Variants in HECW1 observed in about 807,000 individuals in gnomAD.
HECW1 encodes HECT, C2 and WW domain containing E3 ubiquitin protein ligase 1, also known as E3 ubiquitin-protein ligase HECW1.
In HECW1, 61 loss-of-function variants were observed where a neutral mutation model predicts 182.3. That is an observed-to-expected ratio of 0.33 (90% confidence interval 0.27 to 0.41). The LOEUF (loss-of-function observed/expected upper bound fraction) is 0.41. Ranked by LOEUF, HECW1 falls within the 10% of genes least tolerant of loss-of-function variation. The pLI, the probability that HECW1 is intolerant of heterozygous loss-of-function variation, is 1.00. For missense variants in HECW1, 1,739 were observed against 2,108.9 expected (o/e 0.82, Z 3.44); for synonymous variants, 859 against 832.6 (o/e 1.03, Z -0.55).
At chr7:43,237,960 C>A (rs1267727155) in intron 2 of HECW1, among the ~76,000 whole-genome samples, 3 of 152,130 alleles carry the variant, frequency 2.0e-5, no homozygotes, top group Non-Finnish European at 4.4e-5. Flanking sequence ...TTGCTCAGGG[C>A]AGAGTGAAGC....
rs571803771 is a variant in HECW1 at position 43,176,835 on chromosome 7, C to T, written c.-32+62444C>T. Among the ~76,000 whole-genome samples the T allele has an allele frequency of 1.7e-3, 255 of 152,300 alleles. 2 individuals carry two copies. The highest frequency in any genetic ancestry group is 5.8e-3 in the African/African-American group (242 of 41,584). On this transcript the variant is annotated intron_variant, in intron 2 of 29. Coordinates refer to ENST00000395891, the MANE Select transcript of HECW1 (RefSeq NM_015052.5). The stretch of plus-strand genomic sequence containing the variant: ...TGATGTTCTAGAATAGGGGCTCTTT[C>T]TCTAGGGACTGGGGGCCCCTAGGTC...
intron 2 of HECW1, among the ~76,000 whole-genome samples, chr7:43,128,729 GA>G (rs1419483287): frequency 1.3e-5 from 2 of 152,140 alleles, no homozygotes; most frequent in African/African-American, 4.8e-5. Context: ...AGAGTCCATT[GA>G]AAACCTTCTG....
intron 7 of HECW1, among the ~76,000 whole-genome samples, chr7:43,405,683 C>T (rs1334435530): frequency 6.6e-6 from 1 of 152,170 alleles, no homozygotes; most frequent in Non-Finnish European, 1.5e-5. Context: ...CAGTGTTCAC[C>T]ATAAGCCACA....
intron 8 of HECW1, among the ~76,000 whole-genome samples, chr7:43,434,544 T>C (rs1042088039): frequency 6.6e-6 from 1 of 152,216 alleles, no homozygotes; most frequent in African/African-American, 2.4e-5. Flanking sequence ...GTGAAATCCA[T>C]GTACTGGCTT....
intron 5 of HECW1, among the ~76,000 whole-genome samples, chr7:43,326,998 A>G (rs1810875807): frequency 6.6e-6 from 1 of 152,180 alleles, no homozygotes; most frequent in Admixed American, 6.5e-5. Context: ...TTTTATTTCA[A>G]CTTGGGCATG....
intron 17 of HECW1, among the ~76,000 whole-genome samples, chr7:43,486,162 T>G (rs2078625736): frequency 1.3e-5 from 2 of 152,192 alleles, no homozygotes; most frequent in Admixed American, 1.3e-4. Flanking sequence ...TCCAGTTTCA[T>G]CCATTTCATC....
intron 3 of HECW1, among the ~76,000 whole-genome samples, chr7:43,302,965 A>G (rs1446807624): frequency 6.6e-6 from 1 of 151,986 alleles, no homozygotes; most frequent in East Asian, 1.9e-4. Context: ...GCACACACAC[A>G]CACAGGAATA....
chr7:43,483,815 C>T (rs1277205137), intron 17 of HECW1, among the ~76,000 whole-genome samples: 1 of 151,952 alleles, frequency 6.6e-6, no homozygotes, highest in Non-Finnish European at 1.5e-5. Flanking sequence ...TCCCAAAGTG[C>T]TGGGATTACA....
At chr7:43,318,672 G>A (rs779655457) in intron 4 of HECW1, among the ~76,000 whole-genome samples, 2 of 152,218 alleles carry the variant, frequency 1.3e-5, no homozygotes, top group Non-Finnish European at 2.9e-5. Flanking sequence ...GGGCCCTTTG[G>A]CTTCAAGCTC....
At chr7:43,213,532 A>G (rs919384717) in intron 2 of HECW1, among the ~76,000 whole-genome samples, 4 of 133,472 alleles carry the variant, frequency 3.0e-5, no homozygotes, top group African/African-American at 1.2e-4. Context: ...TGCAAGCTCC[A>G]CCTTCCGGGT....
intron 14 of HECW1, among the ~76,000 whole-genome samples, 155 bp downstream of exon 14, chr7:43,463,954 G>T (rs556450054): frequency 1.3e-5 from 2 of 152,264 alleles, no homozygotes; most frequent in South Asian, 2.1e-4. Context: ...CCTGGTGCCC[G>T]CAAGGGAAAG....
At chr7:43,486,717 A>T (rs909515075) in intron 17 of HECW1, among the ~76,000 whole-genome samples, 15 of 152,222 alleles carry the variant, frequency 9.9e-5, no homozygotes, top group Non-Finnish European at 1.9e-4. Flanking sequence ...CTATGCATCC[A>T]TTGTTGACTG....
intron 19 of HECW1, among the ~76,000 whole-genome samples, chr7:43,498,429 G>A (rs2079198384): frequency 6.6e-6 from 1 of 152,200 alleles, no homozygotes; most frequent in Non-Finnish European, 1.5e-5. Flanking sequence ...ATCATTGGGA[G>A]AGCATATAGA....
At position 43,168,965 on chromosome 7, in the gene HECW1, G is replaced by A. The variant is rs111817656; in HGVS notation, c.-32+54574G>A. Among the ~76,000 whole-genome samples, 809 of 152,294 alleles carry A rather than the reference G, an allele frequency of 5.3e-3. 6 individuals carry two copies. Among genetic ancestry groups the A allele is most frequent in the African/African-American group, 0.019 (776 of 41,556 alleles). On this transcript the variant is annotated intron_variant, in intron 2 of 29. Transcript: ENST00000395891. ...AAACTGATAATAAACTGAAATGGTG[G>A]CTTCTGAGAGCTTGGGTGAGGGGTG...
chr7:43,319,203 C>T (rs866442439), intron 4 of HECW1, among the ~76,000 whole-genome samples: 2 of 151,568 alleles, frequency 1.3e-5, no homozygotes, highest in African/African-American at 2.4e-5. Context: ...CTGGGTAACA[C>T]GGTGAAACCC....
Position 43,444,078 on chromosome 7 carries a change from C to A in HECW1, c.1046-140C>A. On this transcript the variant is annotated intron_variant, in intron 10 of 29. Coordinates refer to ENST00000395891, the MANE Select transcript of HECW1 (RefSeq NM_015052.5). The surrounding 1 kb of genome is among the most constrained non-coding windows in gnomAD (Gnocchi z 4.3). ...CAGAATTTTTCACTAGAGCTCTGGC[C>A]AGTGAGAAACCCTCATCAACCTACA... is the stretch of plus-strand genomic sequence containing the variant. 1.2e-6 allele frequency: 1 copy of A among 826,812 alleles called. No individual in the cohort carries two copies. Among genetic ancestry groups the A allele is most frequent in the Non-Finnish European group, 1.8e-6 (1 of 543,314 alleles). The allele number at this position is 826,812 out of a possible 1,614,324, so 51.2% of individuals were successfully genotyped here.
intron 7 of HECW1, among the ~76,000 whole-genome samples, chr7:43,403,493 AG>A (rs2075497388): frequency 6.6e-6 from 1 of 152,166 alleles, no homozygotes. Flanking sequence ...CCCCTGGTAG[AG>A]AGCGGAAGAG....
chr7:43,242,791 C>T (rs964795829), intron 2 of HECW1, among the ~76,000 whole-genome samples: 4 of 152,170 alleles, frequency 2.6e-5, no homozygotes, highest in Non-Finnish European at 5.9e-5. Flanking sequence ...TGAGAACCAT[C>T]CAGGAAGCCA....
At chr7:43,471,472 G>A (rs1240501338) in intron 16 of HECW1, among the ~76,000 whole-genome samples, 1 of 152,236 alleles carries the variant, frequency 6.6e-6, no homozygotes, top group Non-Finnish European at 1.5e-5. Context: ...ATGGTAGGAA[G>A]TAGAAGGGAT....
Sources: gnomAD v4.1 joint callset for allele counts (sites outside exome capture counted in the v4.1 genomes callset) on GRCh38, gnomAD v4.1.1 for gene constraint, Gnocchi (gnomAD v3.1) non-coding constraint, MANE v1.5 for transcripts, NCBI Gene and HGNC (gene_info 2026-07-23, HGNC 2026-07-21) for gene names.